Variants in DISC1 observed in about 807,000 individuals in gnomAD.
DISC1 encodes the protein DISC1 scaffold protein, also known as disrupted in schizophrenia 1 protein.
Under a neutral mutation model 84.5 loss-of-function variants are expected in DISC1, and 57 were observed. That is an observed-to-expected ratio of 0.67 (90% CI 0.55 to 0.84). The LOEUF is 0.84. DISC1 is among the 40% of genes least tolerant of loss of function. The probability of loss-of-function intolerance (pLI) is 0.00; values close to 1 mark genes in which losing one functional copy is unlikely to be tolerated. For missense variants in DISC1, 1,000 were observed against 1,057.8 expected (o/e 0.95, Z 0.76); for synonymous variants, 411 against 415.2 (o/e 0.99, Z 0.12).
intron 9 of DISC1, among the ~76,000 whole-genome samples, chr1:231,889,117 T>A (rs986085087): frequency 6.6e-6 from 1 of 152,102 alleles, no homozygotes; most frequent in Non-Finnish European, 1.5e-5. Context: ...TGGATTTCAG[T>A]AAGTAGAGTC....
intron 1 of DISC1, among the ~76,000 whole-genome samples, chr1:231,683,647 G>A (rs1286902348): frequency 2.0e-5 from 3 of 151,522 alleles, no homozygotes; most frequent in African/African-American, 7.3e-5. Flanking sequence ...TTCCTTGGAT[G>A]GTTTCTGGTC....
At position 232,036,868 on chromosome 1, in the gene DISC1, G is replaced by C; in HGVS notation, c.*37G>C. On this transcript the variant is annotated 3_prime_UTR_variant, in exon 13 of 13. Transcript: ENST00000439617. Reference sequence around the variant, plus strand: ...ATGGGGGAGGGAGGTGGGCCACCATGTTTGGACCCGGGGGGCTGCTCTTCC... The same window carrying C: ...ATGGGGGAGGGAGGTGGGCCACCATCTTTGGACCCGGGGGGCTGCTCTTCC... The C allele has an allele frequency of 6.7e-7, 1 of 1,482,250 alleles. No homozygotes were observed. The highest frequency in any genetic ancestry group is 9.1e-7 in the Non-Finnish European group (1 of 1,100,182). The allele number at this position is 1,482,250 out of a possible 1,614,324, so 91.8% of individuals were successfully genotyped here.
intron 9 of DISC1, among the ~76,000 whole-genome samples, chr1:231,860,605 A>G (rs1223002560): frequency 6.6e-6 from 1 of 152,176 alleles, no homozygotes; most frequent in Non-Finnish European, 1.5e-5. Context: ...TCAGGAAAGA[A>G]TTTAAGAAAA....
chr1:231,674,822 TC>T (rs1360008946), intron 1 of DISC1, among the ~76,000 whole-genome samples: 1 of 152,162 alleles, frequency 6.6e-6, no homozygotes, highest in Non-Finnish European at 1.5e-5. Flanking sequence ...AGAAAAAAAT[TC>T]CCCAGATAAC....
At chr1:231,975,788 C>T (rs963415896) in intron 10 of DISC1, among the ~76,000 whole-genome samples, 12 of 151,818 alleles carry the variant, frequency 7.9e-5, no homozygotes, top group East Asian at 1.9e-4. Context: ...TTCACATGGA[C>T]GTAGAGAGAG....
At chr1:231,907,131 C>CTCTTTCTTTCTTTCTTTCTTTCTT (rs1258067740) in intron 9 of DISC1, among the ~76,000 whole-genome samples, 37 of 93,202 alleles carry the variant, frequency 4.0e-4, no homozygotes, top group East Asian at 2.5e-3. Context: ...TCCTTCCTTC[C>CTCTTTCTTTCTTTCTTTCTTTCTT]TCTTTCTTTC....
chr1:231,840,307 A>T (rs2082942062), intron 9 of DISC1, among the ~76,000 whole-genome samples: 1 of 152,116 alleles, frequency 6.6e-6, no homozygotes, highest in Non-Finnish European at 1.5e-5. Context: ...CTGGGTACTT[A>T]TTTATCCTCT....
chr1:231,818,201 T>A, intron 8 of DISC1, 128 bp from the exon 9 acceptor site: 1 of 974,296 alleles, frequency 1.0e-6, no homozygotes, highest in South Asian at 1.3e-5. Flanking sequence ...CTAAGGAAAT[T>A]GTACATAATC....
At chr1:231,797,917 G>A (rs1398488966) in intron 7 of DISC1, among the ~76,000 whole-genome samples, 3 of 151,898 alleles carry the variant, frequency 2.0e-5, no homozygotes, top group Non-Finnish European at 1.5e-5. Context: ...GAGGTGGATA[G>A]GTGTGTGTGC....
At chr1:231,829,884 G>T (rs947335487) in intron 9 of DISC1, among the ~76,000 whole-genome samples, 3 of 151,470 alleles carry the variant, frequency 2.0e-5, no homozygotes, top group Non-Finnish European at 4.4e-5. Flanking sequence ...GTCACAAGGT[G>T]CTCAGTGGGG....
chr1:231,978,477 C>CA (rs1350752356), intron 10 of DISC1, among the ~76,000 whole-genome samples: 1 of 152,120 alleles, frequency 6.6e-6, no homozygotes, highest in Non-Finnish European at 1.5e-5. Context: ...GAAAGAAAGA[C>CA]AGGAGAAATG....
intron 3 of DISC1, among the ~76,000 whole-genome samples, chr1:231,720,536 C>G (rs138769231): frequency 8.7e-4 from 133 of 152,198 alleles, no homozygotes; most frequent in African/African-American, 3.1e-3. Context: ...GACGGGGTCT[C>G]ACTATGTTGC....
At chr1:231,978,628 T>C (rs1031916570) in intron 10 of DISC1, among the ~76,000 whole-genome samples, 2 of 152,220 alleles carry the variant, frequency 1.3e-5, no homozygotes, top group Non-Finnish European at 1.5e-5. Context: ...ATATTTCAGT[T>C]CTTTGCAGAA....
intron 11 of DISC1, among the ~76,000 whole-genome samples, chr1:232,021,027 A>G (rs994937005): frequency 3.9e-5 from 6 of 152,222 alleles, no homozygotes; most frequent in African/African-American, 1.2e-4. Flanking sequence ...ACCGTAACAT[A>G]TAAACATCAC....
At chr1:232,025,627 C>T (rs1195578176) in intron 11 of DISC1, among the ~76,000 whole-genome samples, 5 of 146,354 alleles carry the variant, frequency 3.4e-5, no homozygotes, top group South Asian at 2.2e-4. Context: ...GACGGAGTCT[C>T]GCTCTGTCGC....
At chr1:231,750,504 C>T (rs993523627) in intron 4 of DISC1, 1 of 995,728 alleles carries the variant, frequency 1.0e-6, no homozygotes, top group Middle Eastern at 5.1e-4. Context: ...AGCTCCTGAG[C>T]AACATTTGCT....
chr1:231,908,734 G>A (rs572381578), intron 9 of DISC1, among the ~76,000 whole-genome samples: 1 of 152,150 alleles, frequency 6.6e-6, no homozygotes, highest in Non-Finnish European at 1.5e-5. Flanking sequence ...GATGCGGATG[G>A]CATTGAATCT....
chr1:231,939,302 T>TGTAGTAGTTGCTCAATAA (rs2091164239), intron 9 of DISC1, among the ~76,000 whole-genome samples: 1 of 152,202 alleles, frequency 6.6e-6, no homozygotes, highest in Admixed American at 6.5e-5. Context: ...GTGCCTGGCA[T>TGTAGTAGTTGCTCAATAA]GTAGTAGTTG....
At chr1:231,795,766 G>A (rs1446271778) in intron 7 of DISC1, among the ~76,000 whole-genome samples, 1 of 152,098 alleles carries the variant, frequency 6.6e-6, no homozygotes. Context: ...GAGGGTGCCT[G>A]TAATCCCAGC....
Sources: gnomAD v4.1 joint callset for allele counts (sites outside exome capture counted in the v4.1 genomes callset) on GRCh38, gnomAD v4.1.1 for gene constraint, MANE v1.5 for transcripts, NCBI Gene and HGNC (gene_info 2026-07-23, HGNC 2026-07-21) for gene names.